The following BTBD9 variants were observed in gnomAD, a reference collection of about 807,000 sequenced individuals.
BTBD9 encodes the protein BTB domain containing 9, also known as BTB/POZ domain-containing protein 9.
In BTBD9, 49 loss-of-function variants were observed where a neutral mutation model predicts 64.3. The observed-to-expected ratio is 0.76, with a 90% CI of 0.61 to 0.97. The LOEUF (loss-of-function observed/expected upper bound fraction) is 0.97, where lower values mean the gene tolerates loss of function less well. BTBD9 is among the 50% of genes least tolerant of loss of function. The probability of loss-of-function intolerance (pLI) is 0.00; values close to 1 mark genes in which losing one functional copy is unlikely to be tolerated. For missense variants in BTBD9, 598 were observed against 762.1 expected, an observed-to-expected ratio of 0.78 and a Z score of 2.53; for synonymous variants, 260 against 274.7, an observed-to-expected ratio of 0.95 and a Z score of 0.53.
chr6:38,192,568 T>C lies in BTBD9; in HGVS notation c.1592A>G (p.Gln531Arg). Residue 531 changes from glutamine to arginine, a missense_variant, in exon 10 of 11, where the codon CAG becomes CGG. Physicochemically the swap from Gln to Arg is conservative, Grantham distance 43. Coordinates refer to ENST00000481247, the MANE Select transcript of BTBD9 (RefSeq NM_001099272.2). ...KSWQSVTFER[Q>R]PASFIRIVGT... Reference sequence around the variant, plus strand: ...AACGATACGGATGAAGGAGGCAGGCTGCCTTTCAAAAGTTACTGACTGCCA... The same window carrying C: ...AACGATACGGATGAAGGAGGCAGGCCGCCTTTCAAAAGTTACTGACTGCCA... 6.2e-7 allele frequency: 1 copy of C among 1,613,954 alleles called. No homozygotes were observed. Among genetic ancestry groups the C allele is most frequent in the Non-Finnish European group, 8.5e-7 (1 of 1,179,946 alleles).
intron 8 of BTBD9, among the ~76,000 whole-genome samples, chr6:38,280,874 C>T (rs1052735920): frequency 6.6e-6 from 1 of 152,190 alleles, no homozygotes; most frequent in Non-Finnish European, 1.5e-5. Context: ...GTTGCACTAG[C>T]ATCTATGTTG....
At chr6:38,488,132 T>C (rs1022619712) in intron 6 of BTBD9, among the ~76,000 whole-genome samples, 5 of 151,964 alleles carry the variant, frequency 3.3e-5, no homozygotes, top group Non-Finnish European at 7.4e-5. Context: ...AATTTTTAAA[T>C]TTTTTGTAGA....
chr6:38,414,277 G>T (rs1767567076), intron 6 of BTBD9, among the ~76,000 whole-genome samples: 1 of 152,146 alleles, frequency 6.6e-6, no homozygotes, highest in South Asian at 2.1e-4. Context: ...TCTGGAATAG[G>T]AAGACATCCA....
At chr6:38,490,568 C>T (rs375931317) in intron 6 of BTBD9, among the ~76,000 whole-genome samples, 4 of 152,270 alleles carry the variant, frequency 2.6e-5, no homozygotes, top group South Asian at 4.2e-4. Flanking sequence ...GATCCACCCG[C>T]CTCAGCCTCC....
intron 6 of BTBD9, among the ~76,000 whole-genome samples, chr6:38,347,977 A>AC (rs1324433053): frequency 2.0e-5 from 3 of 152,196 alleles, no homozygotes; most frequent in Non-Finnish European, 4.4e-5. Flanking sequence ...AGCCTGGGTG[A>AC]CAGAGTGAGA....
intron 6 of BTBD9, among the ~76,000 whole-genome samples, chr6:38,369,450 G>A (rs1765326314): frequency 6.6e-6 from 1 of 152,030 alleles, no homozygotes; most frequent in South Asian, 2.1e-4. Flanking sequence ...CCTACCTGAT[G>A]CTCTCCTAAT....
At chr6:38,575,076 G>A (rs2127470325) in intron 6 of BTBD9, among the ~76,000 whole-genome samples, 1 of 152,276 alleles carries the variant, frequency 6.6e-6, no homozygotes, top group South Asian at 2.1e-4. Context: ...TCCAAATTCA[G>A]TTTCCTGAAG....
intron 6 of BTBD9, among the ~76,000 whole-genome samples, chr6:38,444,653 T>C (rs865973418): frequency 6.6e-5 from 10 of 152,278 alleles, no homozygotes; most frequent in African/African-American, 2.2e-4. Context: ...TCCACATCTA[T>C]AAAATGGGGA....
chr6:38,577,738 A>ATTTC lies in BTBD9; in HGVS notation c.1035-20_1035-19insGAAA. ...GTAAGACCTGTGAATCAAAAGGAAA[A>ATTTC]AGCAGAAAAAAATTACCACATTAAA... is the stretch of plus-strand genomic sequence containing the variant. On this transcript the variant is annotated intron_variant, in intron 5 of 10. Coordinates refer to ENST00000481247, the MANE Select transcript of BTBD9 (RefSeq NM_001099272.2). 1 of 1,594,748 alleles carries ATTTC rather than the reference A, an allele frequency of 6.3e-7. No individual in the cohort carries two copies. Among genetic ancestry groups the ATTTC allele is most frequent in the Non-Finnish European group, 8.5e-7 (1 of 1,176,224 alleles).
At chr6:38,570,901 G>A (rs62396459) in intron 6 of BTBD9, among the ~76,000 whole-genome samples, 13,899 of 152,094 alleles carry the variant, frequency 0.091, 696 homozygotes, top group East Asian at 0.26. Flanking sequence ...TAAATATGAT[G>A]GTGTAAAAAA....
At chr6:38,388,495 G>A (rs1050594705) in intron 6 of BTBD9, among the ~76,000 whole-genome samples, 25 of 152,184 alleles carry the variant, frequency 1.6e-4, no homozygotes, top group Non-Finnish European at 2.6e-4. Context: ...CTGAAGAGAA[G>A]GGAACTAAAA....
chr6:38,218,890 A>G (rs1763099145), intron 9 of BTBD9, among the ~76,000 whole-genome samples: 1 of 152,206 alleles, frequency 6.6e-6, no homozygotes, highest in Non-Finnish European at 1.5e-5. Flanking sequence ...CTGATATGGG[A>G]AGAACAATCC....
intron 8 of BTBD9, among the ~76,000 whole-genome samples, chr6:38,276,091 A>C (rs566033231): frequency 4.5e-4 from 68 of 152,342 alleles, no homozygotes; most frequent in African/African-American, 1.2e-3. Flanking sequence ...AAAGACTTGG[A>C]ACCAACCCAA....
intron 6 of BTBD9, among the ~76,000 whole-genome samples, chr6:38,468,984 T>C (rs976279433): frequency 7.2e-5 from 11 of 152,090 alleles, no homozygotes; most frequent in African/African-American, 2.7e-4. Flanking sequence ...ATTAAAACAT[T>C]TTGAAAAACC....
rs560588749 is a variant in BTBD9 at position 38,379,005 on chromosome 6, G to A, written c.1155-33912C>T. Among the ~76,000 whole-genome samples, 5 of 152,022 alleles carry A rather than the reference G, an allele frequency of 3.3e-5. 1 individual carries two copies. Among genetic ancestry groups the A allele is most frequent in the Middle Eastern group, 6.3e-3 (2 of 316 alleles). On this transcript the variant is annotated intron_variant, in intron 6 of 10. Transcript: ENST00000481247. Reference sequence around the variant, plus strand: ...ACCATATAATTTATCGCCCAAACCCGGACATTTTTAAGTATGAATAACTAG... The same window carrying A: ...ACCATATAATTTATCGCCCAAACCCAGACATTTTTAAGTATGAATAACTAG...
chr6:38,266,536 G>A (rs1764977860), intron 8 of BTBD9, among the ~76,000 whole-genome samples: 1 of 151,488 alleles, frequency 6.6e-6, no homozygotes, highest in South Asian at 2.1e-4. Flanking sequence ...TTGTGCCATT[G>A]CATTCCAGCC....
At chr6:38,531,739 T>C (rs934210865) in intron 6 of BTBD9, among the ~76,000 whole-genome samples, 1 of 152,238 alleles carries the variant, frequency 6.6e-6, no homozygotes, top group African/African-American at 2.4e-5. Context: ...GTTTTCTCTA[T>C]GTTTGTGTAT....
chr6:38,614,282 C>G (rs903743162), intron 1 of BTBD9, among the ~76,000 whole-genome samples: 1 of 152,142 alleles, frequency 6.6e-6, no homozygotes. Context: ...CCTATCATAC[C>G]TTGCTATGAT....
At chr6:38,253,668 G>A (rs1764476323) in intron 9 of BTBD9, among the ~76,000 whole-genome samples, 2 of 152,212 alleles carry the variant, frequency 1.3e-5, no homozygotes, top group East Asian at 1.9e-4. Flanking sequence ...ACAAGGTCTG[G>A]TCTGGGAGCT....
Sources: gnomAD v4.1 joint callset for allele counts (sites outside exome capture counted in the v4.1 genomes callset) on GRCh38, gnomAD v4.1.1 for gene constraint, MANE v1.5 for transcripts, NCBI Gene and HGNC (gene_info 2026-07-23, HGNC 2026-07-21) for gene names.